FRAS1: variants seen among roughly 807,000 people sequenced by gnomAD.
The protein encoded by FRAS1 is Fraser extracellular matrix complex subunit 1.
FRAS1 carries 290 observed loss-of-function variants against 435.2 expected under a neutral mutation model. That is an observed-to-expected ratio of 0.67 (90% CI 0.61 to 0.73). FRAS1 has a LOEUF of 0.73. Ranked by LOEUF, FRAS1 falls within the 30% of genes least tolerant of loss-of-function variation. The pLI is 0.00. For missense variants in FRAS1, 4,860 were observed against 5,001.5 expected (o/e 0.97, Z 0.85); for synonymous variants, 1,800 against 1,851.0 (o/e 0.97, Z 0.71).
intron 18 of FRAS1, among the ~76,000 whole-genome samples, chr4:78,320,058 C>G (rs906301447): frequency 6.6e-6 from 1 of 152,210 alleles, no homozygotes; most frequent in Admixed American, 6.5e-5. Flanking sequence ...TCCGTGGGTG[C>G]AAACCTCCAT....
chr4:78,438,768 A>T, intron 39 of FRAS1, 50 bp downstream of exon 39: 1 of 1,537,116 alleles, frequency 6.5e-7, no homozygotes, highest in South Asian at 1.2e-5. Flanking sequence ...ACTTGTATGA[A>T]AATATTTCAG....
At chr4:78,160,301 C>A (rs139467693) in intron 2 of FRAS1, among the ~76,000 whole-genome samples, 1 of 152,204 alleles carries the variant, frequency 6.6e-6, no homozygotes, top group African/African-American at 2.4e-5. Flanking sequence ...ACAGGTCAAG[C>A]GTGTCAAATG....
At chr4:78,384,613 G>C (rs1732148415) in intron 28 of FRAS1, among the ~76,000 whole-genome samples, 1 of 152,032 alleles carries the variant, frequency 6.6e-6, no homozygotes, top group African/African-American at 2.4e-5. Flanking sequence ...CAAATAGTTG[G>C]CAGGGTGCAG....
intron 34 of FRAS1, among the ~76,000 whole-genome samples, chr4:78,422,801 A>T (rs1733842194): frequency 6.6e-6 from 1 of 152,162 alleles, no homozygotes; most frequent in South Asian, 2.1e-4. Flanking sequence ...AATGGACTTG[A>T]TGAGGAGGCC....
chr4:78,137,946 C>A (rs1326360722), intron 2 of FRAS1, among the ~76,000 whole-genome samples: 1 of 152,148 alleles, frequency 6.6e-6, no homozygotes, highest in Non-Finnish European at 1.5e-5. Context: ...ATACAGAAGG[C>A]CGGATGAATG....
intron 14 of FRAS1, among the ~76,000 whole-genome samples, chr4:78,295,908 G>A (rs547802311): frequency 6.6e-6 from 1 of 151,716 alleles, no homozygotes; most frequent in Non-Finnish European, 1.5e-5. Context: ...ACCACACCTG[G>A]CTAATTTTAT....
chr4:78,520,805 G>A lies in FRAS1; in HGVS notation c.10541-718G>A, dbSNP rs546839767. 6.6e-5 allele frequency among the ~76,000 whole-genome samples: 10 copies of A among 152,320 alleles called. 1 individual carries two copies. Among genetic ancestry groups the A allele is most frequent in the East Asian group, 3.9e-4 (2 of 5,184 alleles). On this transcript the variant is annotated intron_variant, in intron 67 of 73. Transcript: ENST00000512123. ...CCTACAGATACAAAGGGCTGGCAGT[G>A]TAGTCCTTTCTTCTGTGAAATGTCT...
chr4:78,413,170 T>C, intron 32 of FRAS1, 85 bp downstream of exon 32: 1 of 751,062 alleles, frequency 1.3e-6, no homozygotes, highest in Non-Finnish European at 2.2e-6. Context: ...CCTGGTTTTG[T>C]ATATAGTAAG....
intron 3 of FRAS1, among the ~76,000 whole-genome samples, chr4:78,243,601 A>G (rs1725102619): frequency 6.6e-6 from 1 of 152,092 alleles, no homozygotes; most frequent in Non-Finnish European, 1.5e-5. Context: ...CAGAAATTCA[A>G]TAGATAGACC....
chr4:78,221,754 G>C (rs1378627808), intron 2 of FRAS1, among the ~76,000 whole-genome samples: 1 of 152,152 alleles, frequency 6.6e-6, no homozygotes, highest in East Asian at 1.9e-4. Context: ...ACCCTGCTTT[G>C]CTAATGAATA....
chr4:78,434,887 G>A (rs6852327), intron 38 of FRAS1, among the ~76,000 whole-genome samples: 3,978 of 152,050 alleles, frequency 0.026, 173 homozygotes, highest in African/African-American at 0.091. Flanking sequence ...TGTTTAAAAC[G>A]TATTAAATAA....
chr4:78,360,941 C>A (rs568676907), intron 20 of FRAS1, among the ~76,000 whole-genome samples: 1 of 152,204 alleles, frequency 6.6e-6, no homozygotes. Flanking sequence ...CTAGAGAAAG[C>A]ATCTGTTAGA....
chr4:78,165,997 A>C (rs1400142834), intron 2 of FRAS1, among the ~76,000 whole-genome samples: 1 of 152,116 alleles, frequency 6.6e-6, no homozygotes, highest in Non-Finnish European at 1.5e-5. Context: ...GGTCATGGAA[A>C]CAGGGAAGGG....
At position 78,477,711 on chromosome 4, in the gene FRAS1, C is replaced by T. The variant is rs1308651223; in HGVS notation, c.7852-104C>T. ...GGAGAACCAGCTATTTCAGTCAGTG[C>T]TCTGCCCACTGGACTTGGATGCTCT... On this transcript the variant is annotated intron_variant, in intron 54 of 73. Transcript: ENST00000512123. The T allele has an allele frequency of 2.8e-6, 4 of 1,406,402 alleles. No individual in the cohort carries two copies. In the African/African-American group the frequency reaches 5.7e-5, roughly 20 times the overall value. 87.1% of individuals were successfully genotyped at this position (1,406,402 alleles called of 1,614,324 possible). A position where few individuals can be genotyped will look rare whatever the true frequency, so the allele number is the denominator to read the frequency against.
chr4:78,195,197 G>T (rs189423511), intron 2 of FRAS1, among the ~76,000 whole-genome samples: 1 of 152,190 alleles, frequency 6.6e-6, no homozygotes, highest in South Asian at 2.1e-4. Flanking sequence ...GGGGTGCCTC[G>T]CAGTTAGGCT....
Position 78,057,623 on chromosome 4 carries a change from A to C in FRAS1, c.-387A>C. On this transcript the variant is annotated 5_prime_UTR_variant, in exon 1 of 74. Transcript: ENST00000512123. This position sits in a 1 kb window ranked among gnomAD's most constrained non-coding sequence, Gnocchi z 4.2. The stretch of plus-strand genomic sequence containing the variant: ...AGAGCCAGGATTTCCACTGTCGGGG[A>C]CCCGGGATCGGAAGGGTCTAGCCCG... 4.4e-6 allele frequency: 1 copy of C among 225,342 alleles called. No homozygotes were observed. Among genetic ancestry groups the C allele is most frequent in the Non-Finnish European group, 8.7e-6 (1 of 115,456 alleles). 14.0% of individuals were successfully genotyped at this position (225,342 alleles called of 1,614,324 possible).
chr4:78,415,116 A>G (rs1256682139), intron 32 of FRAS1, among the ~76,000 whole-genome samples: 1 of 152,210 alleles, frequency 6.6e-6, no homozygotes, highest in African/African-American at 2.4e-5. Context: ...CTGAGTCCCC[A>G]AAGTCCATTG....
At chr4:78,326,339 GA>G (rs1316441821) in intron 18 of FRAS1, among the ~76,000 whole-genome samples, 1 of 152,188 alleles carries the variant, frequency 6.6e-6, no homozygotes, top group Non-Finnish European at 1.5e-5. Context: ...TGTGGTGATA[GA>G]AAAGTAGAAG....
chr4:78,153,546 C>T lies in FRAS1; in HGVS notation c.109-83964C>T, dbSNP rs1271006398. Among the ~76,000 whole-genome samples, 5 of 152,126 alleles carry T rather than the reference C, an allele frequency of 3.3e-5. No homozygotes were observed. In the South Asian group the frequency reaches 8.3e-4, roughly 25 times the overall value. ...CTCTTTCCTCTGACTGCTCAACAAA[C>T]CTCCAGAAGTATATTTAGAACATTT... On this transcript the variant is annotated intron_variant, in intron 2 of 73. Transcript: ENST00000512123.
Sources: allele counts gnomAD v4.1 joint callset (sites outside exome capture counted in the v4.1 genomes callset), GRCh38; gene constraint gnomAD v4.1.1; non-coding constraint Gnocchi (gnomAD v3.1); transcripts MANE v1.5; gene names NCBI Gene and HGNC (gene_info 2026-07-23, HGNC 2026-07-21).